The following ERICH2 variants were observed in gnomAD, a reference collection of about 807,000 sequenced individuals.
ERICH2 encodes the protein glutamate rich 2, also known as glutamate-rich protein 2.
Under a neutral mutation model 17.4 loss-of-function variants are expected in ERICH2, and 17 were observed. That is an observed-to-expected ratio of 0.98 (90% CI 0.67 to 1.47). ERICH2 has a LOEUF of 1.47. Among genes scored for constraint, ERICH2 ranks in the 40% most tolerant of loss-of-function variants. The probability of loss-of-function intolerance (pLI) is 0.00; values close to 1 mark genes in which losing one functional copy is unlikely to be tolerated. For missense variants in ERICH2, 186 were observed against 183.2 expected (o/e 1.01, Z -0.09); for synonymous variants, 51 against 61.1 (o/e 0.83, Z 0.77).
chr2:170,794,687 T>C (rs551998883), intron 3 of ERICH2, among the ~76,000 whole-genome samples: 4 of 152,352 alleles, frequency 2.6e-5, no homozygotes, highest in East Asian at 3.9e-4. Context: ...ATTAAACTTG[T>C]TGACAACAAG....
At chr2:170,784,555 A>T (rs747622106) in intron 1 of ERICH2, 91 bp from the exon 7 acceptor site, 1 of 577,522 alleles carries the variant, frequency 1.7e-6, no homozygotes, top group African/African-American at 1.9e-5. Flanking sequence ...TTATTAATAT[A>T]TCAGTTTAAT....
the ERICH2 span, chr2:170,770,824 C>A: frequency 6.7e-6 from 1 of 150,152 alleles, no homozygotes; most frequent in South Asian, 1.9e-4. Context: ...TCCCTCAGCT[C>A]GGCCGCCCGC....
Position 170,798,841 on chromosome 2 carries a change from A to G in ERICH2, c.418A>G (p.Ser140Gly), listed in dbSNP as rs189497501. 50 of 1,550,678 alleles carry G rather than the reference A, an allele frequency of 3.2e-5. No individual in the cohort carries two copies. The Middle Eastern group carries it at 6.7e-4, about 21-fold the overall frequency. Residue 140 changes from serine (S) to glycine (G), a missense_variant, in exon 5 of 5, where the codon AGC becomes GGC. Ser to Gly is a moderately conservative substitution (Grantham distance 56). Transcript: ENST00000409885. ...CAGCAGTGGTGAGAGTAAAGGAGAAAGCGATGAGGAGCTGAGTGACGAGAG... is the reference window on the plus strand; with the variant it reads ...CAGCAGTGGTGAGAGTAAAGGAGAAGGCGATGAGGAGCTGAGTGACGAGAG...
intron 3 of ERICH2, among the ~76,000 whole-genome samples, chr2:170,795,643 G>A (rs1575412332): frequency 6.6e-6 from 1 of 152,160 alleles, no homozygotes; most frequent in Non-Finnish European, 1.5e-5. Context: ...CACTGCACCT[G>A]TCCAAAAGTG....
the ERICH2 span, among the ~76,000 whole-genome samples, chr2:170,773,680 T>C: frequency 1.3e-5 from 2 of 152,216 alleles, no homozygotes; most frequent in Non-Finnish European, 2.9e-5. Context: ...AGCATAGTTA[T>C]ATGTGACATG....
At chr2:170,770,699 A>T in the ERICH2 span, 3 of 154,582 alleles carry the variant, frequency 1.9e-5, no homozygotes, top group East Asian at 5.9e-4. Flanking sequence ...CCGACATTCC[A>T]ACCTTCTTTC....
At chr2:170,788,773 G>A (rs1164707322) in intron 2 of ERICH2, among the ~76,000 whole-genome samples, 1 of 151,658 alleles carries the variant, frequency 6.6e-6, no homozygotes, top group East Asian at 1.9e-4. Context: ...AACCACACCT[G>A]GCCAATTTTG....
Position 170,798,763 on chromosome 2 carries a change from G to A in ERICH2, c.347-7G>A. On this transcript the variant is annotated splice_region_variant and splice_polypyrimidine_tract_variant and intron_variant, in intron 4 of 4. Transcript: ENST00000409885. ...ACCTTAAGCAATCCTCTTCCTTTCT[G>A]TGGCAGAGAAAACTCAGAATCATGA... is the stretch of plus-strand genomic sequence containing the variant. 2 of 1,550,434 alleles carry A rather than the reference G, an allele frequency of 1.3e-6. No homozygotes were observed. Among genetic ancestry groups the A allele is most frequent in the Non-Finnish European group, 1.7e-6 (2 of 1,146,902 alleles).
the ERICH2 span, chr2:170,777,836 C>T: frequency 5.7e-6 from 2 of 350,126 alleles, no homozygotes; most frequent in Non-Finnish European, 9.2e-6. Context: ...GCAATTGTTA[C>T]TATAGATAGA....
chr2:170,771,036 C>A, the ERICH2 span: 1 of 151,502 alleles, frequency 6.6e-6, no homozygotes, highest in South Asian at 2.0e-4. The surrounding 1 kb of genome is among the most constrained non-coding windows in gnomAD (Gnocchi z 4.8). Flanking sequence ...CCCCCACCCT[C>A]GGCTGCTGCC....
the ERICH2 span, among the ~76,000 whole-genome samples, chr2:170,773,387 A>G: frequency 2.6e-5 from 4 of 152,250 alleles, no homozygotes; most frequent in East Asian, 3.9e-4. Context: ...TGCAAAGGCA[A>G]TTTCACCTCT....
intron 1 of ERICH2, among the ~76,000 whole-genome samples, chr2:170,784,057 CTTCT>C (rs1377358913): frequency 3.3e-5 from 5 of 152,076 alleles, no homozygotes; most frequent in South Asian, 2.1e-4. Flanking sequence ...TCCTCATTTT[CTTCT>C]TTCTAACACA....
the ERICH2 span, chr2:170,777,586 G>A: frequency 1.8e-6 from 2 of 1,131,662 alleles, no homozygotes; most frequent in African/African-American, 1.6e-5. Flanking sequence ...CCATTTAGAA[G>A]TGTATGTCAG....
intron 3 of ERICH2, among the ~76,000 whole-genome samples, chr2:170,797,752 A>T (rs1483767575): frequency 6.6e-6 from 1 of 151,000 alleles, no homozygotes; most frequent in Non-Finnish European, 1.5e-5. Context: ...AGATCATGCC[A>T]CTGCACTCCA....
At chr2:170,778,603 AT>A in the ERICH2 span, among the ~76,000 whole-genome samples, 1 of 152,094 alleles carries the variant, frequency 6.6e-6, no homozygotes, top group Non-Finnish European at 1.5e-5. Flanking sequence ...AGAGGACCTT[AT>A]TTATTTTCAT....
upstream of ERICH2, chr2:170,783,769 G>A (rs1414730243): frequency 5.8e-6 from 9 of 1,548,308 alleles, no homozygotes; most frequent in East Asian, 2.4e-5. Flanking sequence ...GACCTCCCTT[G>A]GTGACATCAG....
intron 3 of ERICH2, among the ~76,000 whole-genome samples, chr2:170,793,615 G>A (rs1211856149): frequency 2.0e-5 from 3 of 152,202 alleles, no homozygotes; most frequent in African/African-American, 7.2e-5. Flanking sequence ...GGAGGACAGT[G>A]TAACTGGAGC....
chr2:170,788,988 G>A (rs1193520818), intron 2 of ERICH2, among the ~76,000 whole-genome samples: 1 of 151,112 alleles, frequency 6.6e-6, no homozygotes, highest in Non-Finnish European at 1.5e-5. Context: ...TTGAGACAGA[G>A]TATTGCTCTG....
intron 1 of ERICH2, chr2:170,783,889 A>G (rs765497697): frequency 5.3e-5 from 82 of 1,550,436 alleles, no homozygotes; most frequent in Non-Finnish European, 7.0e-5. Flanking sequence ...CCTGAATAAC[A>G]CAACCGTCAT....
Sources: allele counts gnomAD v4.1 joint callset (sites outside exome capture counted in the v4.1 genomes callset), GRCh38; gene constraint gnomAD v4.1.1; non-coding constraint Gnocchi (gnomAD v3.1); transcripts MANE v1.5; gene names NCBI Gene and HGNC (gene_info 2026-07-23, HGNC 2026-07-21).